ZBTB8OS: variants seen among roughly 807,000 people sequenced by gnomAD.
ZBTB8OS encodes tRNA-splicing ligase-activating factor archease.
In ZBTB8OS, 16 loss-of-function variants were observed where a neutral mutation model predicts 29.3. The observed-to-expected ratio is 0.55, with a 90% confidence interval of 0.37 to 0.83. The LOEUF (loss-of-function observed/expected upper bound fraction) is 0.83. ZBTB8OS is among the 40% of genes least tolerant of loss of function. The pLI is 0.00. For missense variants in ZBTB8OS, 160 were observed against 196.9 expected (o/e 0.81, Z 1.12); for synonymous variants, 70 against 64.6 (o/e 1.08, Z -0.40).
At chr1:32,643,183 G>A (rs1217919894) in intron 1 of ZBTB8OS, among the ~76,000 whole-genome samples, 3 of 147,798 alleles carry the variant, frequency 2.0e-5, no homozygotes, top group East Asian at 2.1e-4. Context: ...CGATTCTCCT[G>A]CCTCAGCCTC....
At chr1:32,634,259 C>T in intron 2 of ZBTB8OS, 187 bp from the exon 3 acceptor site, 1 of 417,444 alleles carries the variant, frequency 2.4e-6, no homozygotes, top group Non-Finnish European at 4.0e-6. Context: ...CTGAGTCTCA[C>T]TCTGTTGCCC....
chr1:32,638,230 CTTTTTT>C (rs760775116), intron 1 of ZBTB8OS, among the ~76,000 whole-genome samples: 114 of 102,160 alleles, frequency 1.1e-3, no homozygotes, highest in Admixed American at 3.8e-3. Flanking sequence ...CTCCAGAATT[CTTTTTT>C]TTTTTTTTTT....
chr1:32,649,583 C>T (rs988136489), intron 1 of ZBTB8OS, among the ~76,000 whole-genome samples: 1 of 151,158 alleles, frequency 6.6e-6, no homozygotes, highest in Non-Finnish European at 1.5e-5. Context: ...GGGCTATGAT[C>T]GCTCCATTGC....
intron 1 of ZBTB8OS, among the ~76,000 whole-genome samples, chr1:32,645,290 G>T (rs753750992): frequency 1.2e-4 from 19 of 152,180 alleles, no homozygotes; most frequent in Non-Finnish European, 2.2e-4. Flanking sequence ...TTAAGGCCAG[G>T]ATTTCAAGAT....
chr1:32,634,831 C>T lies in ZBTB8OS; in HGVS notation c.98-39G>A, dbSNP rs371101603. Reference sequence around the variant, plus strand: ...GGAAAAACACTTATAAGACACTAAACTTGACTCTCAAATCACACACACAAA... The same window carrying T: ...GGAAAAACACTTATAAGACACTAAATTTGACTCTCAAATCACACACACAAA... On this transcript the variant is annotated intron_variant, in intron 1 of 6. Coordinates refer to ENST00000468695, the MANE Select transcript of ZBTB8OS (RefSeq NM_178547.5). 16 of 1,334,162 alleles carry T rather than the reference C, an allele frequency of 1.2e-5. No homozygotes were observed. In the Middle Eastern group the frequency reaches 5.4e-4, roughly 45 times the overall value. 82.6% of individuals were successfully genotyped at this position (1,334,162 alleles called of 1,614,324 possible). A position where few individuals can be genotyped will look rare whatever the true frequency, so the allele number is the denominator to read the frequency against.
intron 1 of ZBTB8OS, among the ~76,000 whole-genome samples, chr1:32,640,590 C>T (rs898802766): frequency 1.3e-5 from 2 of 152,136 alleles, no homozygotes; most frequent in African/African-American, 4.8e-5. Context: ...TCACAGCTCA[C>T]TACAGCTTAG....
intron 3 of ZBTB8OS, 70 bp downstream of exon 3, chr1:32,633,881 T>C: frequency 2.6e-6 from 4 of 1,516,582 alleles, no homozygotes; most frequent in Non-Finnish European, 3.5e-6. Flanking sequence ...TATACTCAGA[T>C]TATGTAGAAT....
At chr1:32,626,032 C>T (rs1306313695) in intron 6 of ZBTB8OS, among the ~76,000 whole-genome samples, 15 of 152,046 alleles carry the variant, frequency 9.9e-5, no homozygotes, top group Non-Finnish European at 5.9e-5. Context: ...GCCACCGCAC[C>T]CAGCTAATTT....
At chr1:32,629,236 C>A (rs12028215) in intron 5 of ZBTB8OS, among the ~76,000 whole-genome samples, 1 of 151,348 alleles carries the variant, frequency 6.6e-6, no homozygotes. Flanking sequence ...TGTAGCGAGA[C>A]CCTGTCTCTA....
At chr1:32,623,914 G>A (rs1194319209) in intron 6 of ZBTB8OS, among the ~76,000 whole-genome samples, 7 of 152,214 alleles carry the variant, frequency 4.6e-5, no homozygotes, top group Non-Finnish European at 4.4e-5. Context: ...TGTTGTGGGA[G>A]GGAGGGAGCA....
intron 2 of ZBTB8OS, 38 bp from the exon 3 acceptor site, chr1:32,634,110 A>G (rs372689865): frequency 1.9e-5 from 26 of 1,380,840 alleles, no homozygotes; most frequent in Non-Finnish European, 2.4e-5. Flanking sequence ...AATACAATCC[A>G]CTGCAAGAAA....
chr1:32,645,607 G>A (rs1646771532), intron 1 of ZBTB8OS, among the ~76,000 whole-genome samples: 1 of 152,154 alleles, frequency 6.6e-6, no homozygotes, highest in Non-Finnish European at 1.5e-5. Context: ...CCAGGATGGA[G>A]TGCAGTGGGG....
intron 4 of ZBTB8OS, chr1:32,632,304 T>G (rs1645628724): frequency 6.6e-6 from 1 of 152,620 alleles, no homozygotes; most frequent in African/African-American, 2.4e-5. Flanking sequence ...CCACCGCGCC[T>G]GGCCTTTACA....
intron 1 of ZBTB8OS, among the ~76,000 whole-genome samples, chr1:32,645,991 G>C (rs781400826): frequency 6.6e-6 from 1 of 152,012 alleles, no homozygotes; most frequent in African/African-American, 2.4e-5. Context: ...CTTATGACAC[G>C]GGCACTCTTC....
At chr1:32,646,956 C>T (rs1365347616) in intron 1 of ZBTB8OS, among the ~76,000 whole-genome samples, 2 of 134,072 alleles carry the variant, frequency 1.5e-5, no homozygotes, top group Non-Finnish European at 3.1e-5. Flanking sequence ...GCAAGAGAAT[C>T]ACTTGAACCC....
chr1:32,630,883 G>A (rs1645497325), intron 5 of ZBTB8OS, among the ~76,000 whole-genome samples: 2 of 151,902 alleles, frequency 1.3e-5, no homozygotes, highest in Non-Finnish European at 2.9e-5. Flanking sequence ...CGTGGTAGCA[G>A]GCGCGTATAA....
rs186284815 is a variant in ZBTB8OS, at chr1:32,621,520, G to A, written c.*342C>T. 1.5e-4 allele frequency: 33 copies of A among 216,320 alleles called. No homozygotes were observed. The Admixed American group carries it at 1.7e-3, about 11-fold the overall frequency. The allele number at this position is 216,320 out of a possible 1,614,324, so 13.4% of individuals were successfully genotyped here. A position where few individuals can be genotyped will look rare whatever the true frequency, so the allele number is the denominator to read the frequency against. On this transcript the variant is annotated 3_prime_UTR_variant, in exon 7 of 7. Coordinates refer to ENST00000468695, the MANE Select transcript of ZBTB8OS (RefSeq NM_178547.5). ...TTCTTTCAACCTGGATTCAGCCTCA[G>A]GCTGCTGCTGACATCAGTGATCCTC...
chr1:32,641,826 C>T (rs548945483), intron 1 of ZBTB8OS, among the ~76,000 whole-genome samples: 1 of 151,334 alleles, frequency 6.6e-6, no homozygotes, highest in South Asian at 2.1e-4. Context: ...GAGGCTGAGG[C>T]GGGAGAATGG....
chr1:32,625,451 T>C (rs539531290), intron 6 of ZBTB8OS, among the ~76,000 whole-genome samples: 3 of 152,090 alleles, frequency 2.0e-5, no homozygotes, highest in South Asian at 4.2e-4. Context: ...GGAGAATCGC[T>C]TGAACCTGGG....
Sources: gnomAD v4.1 joint callset for allele counts (sites outside exome capture counted in the v4.1 genomes callset) on GRCh38, gnomAD v4.1.1 for gene constraint, MANE v1.5 for transcripts, NCBI Gene and HGNC (gene_info 2026-07-23, HGNC 2026-07-21) for gene names.